The following JAZF1 variants were observed in gnomAD, a reference collection of about 807,000 sequenced individuals.
JAZF1 encodes the protein JAZF zinc finger 1, also known as juxtaposed with another zinc finger protein 1.
A neutral mutation model predicts 26.4 loss-of-function variants in JAZF1; 8 were observed. The observed-to-expected ratio is 0.30, with a 90% CI of 0.18 to 0.55. The LOEUF is 0.55. JAZF1 is among the 20% of genes least tolerant of loss of function. The probability of loss-of-function intolerance (pLI) is 0.94; values close to 1 mark genes in which losing one functional copy is unlikely to be tolerated. For missense variants in JAZF1, 199 were observed against 322.0 expected (o/e 0.62, Z 2.92); for synonymous variants, 126 against 122.3 (o/e 1.03, Z -0.20).
intron 1 of JAZF1, among the ~76,000 whole-genome samples, chr7:28,049,056 C>T (rs1211298287): frequency 1.7e-5 from 2 of 120,016 alleles, no homozygotes; most frequent in Non-Finnish European, 3.4e-5. Context: ...CTCCCCTCCC[C>T]TCCCCTCCCT....
intron 3 of JAZF1, among the ~76,000 whole-genome samples, chr7:27,884,060 T>C (rs938038327): frequency 6.6e-6 from 1 of 152,260 alleles, no homozygotes; most frequent in Non-Finnish European, 1.5e-5. Context: ...CTGGAAGTTG[T>C]GGACTCCTGT....
At chr7:27,937,707 A>AT (rs1456910824) in intron 2 of JAZF1, among the ~76,000 whole-genome samples, 2 of 150,002 alleles carry the variant, frequency 1.3e-5, no homozygotes, top group African/African-American at 4.8e-5. Context: ...ATGCTATGAA[A>AT]AAGCTTTATA....
chr7:28,073,441 G>A (rs1220858582), intron 1 of JAZF1, among the ~76,000 whole-genome samples: 3 of 152,132 alleles, frequency 2.0e-5, no homozygotes, highest in Non-Finnish European at 2.9e-5. Context: ...TCAAAGCCAG[G>A]ACCACATGAC....
chr7:28,081,429 C>G (rs933609316), intron 1 of JAZF1, among the ~76,000 whole-genome samples: 9 of 152,204 alleles, frequency 5.9e-5, no homozygotes, highest in Non-Finnish European at 1.3e-4. Context: ...GCACCAGATG[C>G]TTTTTCTAAG....
chr7:28,120,632 C>T (rs1036577557), intron 1 of JAZF1, among the ~76,000 whole-genome samples: 7 of 150,960 alleles, frequency 4.6e-5, no homozygotes, highest in Admixed American at 6.6e-5. Context: ...CTCAGCCTCC[C>T]GAGTAGCTGG....
intron 1 of JAZF1, among the ~76,000 whole-genome samples, chr7:28,013,657 A>G (rs1782835949): frequency 6.6e-6 from 1 of 152,190 alleles, no homozygotes; most frequent in Non-Finnish European, 1.5e-5. Context: ...GACACATAGT[A>G]ACGGGCTGCA....
chr7:28,063,520 T>C (rs1290653119), intron 1 of JAZF1, among the ~76,000 whole-genome samples: 2 of 152,182 alleles, frequency 1.3e-5, no homozygotes, highest in Non-Finnish European at 2.9e-5. Flanking sequence ...CTTGTAATAA[T>C]GACCAACATT....
intron 2 of JAZF1, among the ~76,000 whole-genome samples, chr7:27,972,043 A>G (rs1209007953): frequency 6.6e-6 from 1 of 152,150 alleles, no homozygotes; most frequent in Middle Eastern, 3.2e-3. Flanking sequence ...CTACTGTGTA[A>G]CAGTGTTCTA....
intron 1 of JAZF1, among the ~76,000 whole-genome samples, chr7:28,057,913 C>A (rs892489688): frequency 1.3e-5 from 2 of 152,088 alleles, no homozygotes; most frequent in Non-Finnish European, 2.9e-5. Context: ...CTTTCTTGAT[C>A]CTGTCTAATG....
rs575360036 is a variant in JAZF1 at position 28,058,591 on chromosome 7, T to C, written c.116-66610A>G. Among the ~76,000 whole-genome samples, 25 of 152,318 alleles carry C rather than the reference T, an allele frequency of 1.6e-4. 1 individual carries two copies. The South Asian group carries it at 5.2e-3, about 32-fold the overall frequency. ...ACAGTATAGCATAGATGCTTTCATC[T>C]CATTAATGTTCAGCCTTTCTTCAAT... On this transcript the variant is annotated intron_variant, in intron 1 of 4. Coordinates refer to ENST00000283928, the MANE Select transcript of JAZF1 (RefSeq NM_175061.4).
chr7:28,081,761 A>G (rs1044760957), intron 1 of JAZF1, among the ~76,000 whole-genome samples: 3 of 152,184 alleles, frequency 2.0e-5, no homozygotes, highest in Non-Finnish European at 4.4e-5. Flanking sequence ...CTGCATTTAT[A>G]TGTGTTTCCA....
At chr7:27,851,787 G>A (rs1325700902) in intron 3 of JAZF1, among the ~76,000 whole-genome samples, 1 of 152,140 alleles carries the variant, frequency 6.6e-6, no homozygotes, top group Non-Finnish European at 1.5e-5. Context: ...CTAAAGAGCT[G>A]AATTATTTTT....
At chr7:28,000,035 C>T (rs193151056) in intron 1 of JAZF1, among the ~76,000 whole-genome samples, 52 of 152,196 alleles carry the variant, frequency 3.4e-4, no homozygotes, top group East Asian at 9.6e-4. Context: ...AGGGAGTGAG[C>T]GTAGCGAATC....
intron 3 of JAZF1, among the ~76,000 whole-genome samples, chr7:27,855,998 C>G (rs1783241853): frequency 6.6e-6 from 1 of 152,220 alleles, no homozygotes; most frequent in Non-Finnish European, 1.5e-5. Flanking sequence ...AGCAGCACAT[C>G]AAAAAGCTTA....
intron 3 of JAZF1, among the ~76,000 whole-genome samples, chr7:27,885,977 C>A (rs1783854823): frequency 6.6e-6 from 1 of 152,136 alleles, no homozygotes; most frequent in Admixed American, 6.5e-5. Context: ...TTTCTAGAAG[C>A]CCTAACTAAC....
chr7:27,990,523 A>G (rs1444470888), intron 2 of JAZF1, among the ~76,000 whole-genome samples: 1 of 152,180 alleles, frequency 6.6e-6, no homozygotes, highest in African/African-American at 2.4e-5. Flanking sequence ...TGAAAATTTC[A>G]TAGATTCTTA....
At chr7:28,035,639 G>C (rs1783279926) in intron 1 of JAZF1, among the ~76,000 whole-genome samples, 1 of 152,122 alleles carries the variant, frequency 6.6e-6, no homozygotes, top group South Asian at 2.1e-4. Flanking sequence ...CTGGACGAGA[G>C]GAGTAAGCTG....
intron 2 of JAZF1, among the ~76,000 whole-genome samples, chr7:27,978,270 G>A (rs558033098): frequency 6.6e-6 from 1 of 152,166 alleles, no homozygotes; most frequent in African/African-American, 2.4e-5. Flanking sequence ...AACCTAAACA[G>A]TCTGACTCCT....
intron 1 of JAZF1, among the ~76,000 whole-genome samples, chr7:28,098,078 T>C (rs1407513203): frequency 2.0e-5 from 3 of 152,214 alleles, no homozygotes; most frequent in Admixed American, 6.5e-5. Context: ...TAAATTCCTA[T>C]GTTGAATCTG....
Sources: gnomAD v4.1 joint callset for allele counts (sites outside exome capture counted in the v4.1 genomes callset) on GRCh38, gnomAD v4.1.1 for gene constraint, MANE v1.5 for transcripts, NCBI Gene and HGNC (gene_info 2026-07-23, HGNC 2026-07-21) for gene names.